Variants in TDRD9 observed in about 807,000 individuals in gnomAD.
TDRD9 encodes the protein tudor domain containing 9.
Under a neutral mutation model 172.6 loss-of-function variants are expected in TDRD9, and 124 were observed. The observed-to-expected ratio is 0.72, with a 90% CI of 0.62 to 0.83. The LOEUF is 0.83. Among genes scored for constraint, TDRD9 ranks in the 40% least tolerant of loss-of-function variants. The pLI is 0.00. For synonymous variants in TDRD9, 619 were observed against 617.1 expected (o/e 1.00, Z -0.05); for missense variants, 1,479 against 1,714.1 (o/e 0.86, Z 2.42).
intron 13 of TDRD9, among the ~76,000 whole-genome samples, chr14:104,001,796 A>T (rs1318438973): frequency 2.6e-5 from 4 of 151,962 alleles, no homozygotes; most frequent in Admixed American, 2.6e-4. Flanking sequence ...TTTAGTAGAG[A>T]TGGGGTTTCA....
intron 8 of TDRD9, among the ~76,000 whole-genome samples, chr14:103,987,123 TACACACACACACACACACACACAC>T (rs143714763): frequency 5.5e-5 from 8 of 145,684 alleles, no homozygotes; most frequent in South Asian, 4.4e-4. Flanking sequence ...AAAAAATATA[TACACACACACACACACACACACAC>T]ACACACACAC....
intron 20 of TDRD9, 38 bp from the exon 21 acceptor site, chr14:104,014,687 T>C: frequency 8.4e-7 from 1 of 1,191,380 alleles, no homozygotes; most frequent in Non-Finnish European, 1.2e-6. Flanking sequence ...ATGACATATG[T>C]ACCTTTGAGA....
intron 7 of TDRD9, among the ~76,000 whole-genome samples, chr14:103,982,830 G>A (rs538347756): frequency 2.0e-4 from 31 of 152,102 alleles, no homozygotes; most frequent in South Asian, 4.1e-4. Flanking sequence ...GAATCCAGGC[G>A]GTAGAGGTTG....
intron 6 of TDRD9, among the ~76,000 whole-genome samples, chr14:103,974,944 A>AT (rs927231048): frequency 1.6e-4 from 25 of 151,910 alleles, no homozygotes; most frequent in African/African-American, 5.1e-4. Flanking sequence ...TAATTAATTT[A>AT]TTTTTTTGTA....
chr14:104,000,571 G>A (rs897233333), intron 13 of TDRD9, among the ~76,000 whole-genome samples: 2 of 152,174 alleles, frequency 1.3e-5, no homozygotes, highest in Non-Finnish European at 1.5e-5. Context: ...GATCATTTGA[G>A]GTCAGGAGTT....
chr14:103,992,309 TA>T (rs1468700926), intron 9 of TDRD9, among the ~76,000 whole-genome samples: 1 of 152,184 alleles, frequency 6.6e-6, no homozygotes, highest in Admixed American at 6.5e-5. Context: ...GTTCTTAAAA[TA>T]ATGGAGAATG....
chr14:104,031,501 C>T (rs1164531613), intron 29 of TDRD9, among the ~76,000 whole-genome samples: 3 of 135,880 alleles, frequency 2.2e-5, no homozygotes, highest in Non-Finnish European at 3.1e-5. Flanking sequence ...TTAAACCCTC[C>T]TGACGTGTGC....
At chr14:103,928,922 AGG>A in intron 1 of TDRD9, 198 bp downstream of exon 1, 1 of 111,266 alleles carries the variant, frequency 9.0e-6, no homozygotes. Context: ...GCTGAGCTAG[AGG>A]TTTTTTTTTT....
At chr14:103,982,983 T>C (rs185476140) in intron 7 of TDRD9, among the ~76,000 whole-genome samples, 15 of 151,626 alleles carry the variant, frequency 9.9e-5, no homozygotes, top group Non-Finnish European at 1.8e-4. Context: ...TGTAATGAAA[T>C]TGTGAAATGA....
At chr14:103,984,474 G>A (rs2033591713) in intron 7 of TDRD9, among the ~76,000 whole-genome samples, 1 of 152,244 alleles carries the variant, frequency 6.6e-6, no homozygotes, top group Non-Finnish European at 1.5e-5. Context: ...CTCATGCCGT[G>A]TCTTCAGAGG....
At chr14:104,050,522 T>G (rs1947624449) in intron 35 of TDRD9, among the ~76,000 whole-genome samples, 1 of 152,184 alleles carries the variant, frequency 6.6e-6, no homozygotes, top group South Asian at 2.1e-4. Context: ...CAGGGATATC[T>G]CTAGATACAA....
intron 32 of TDRD9, among the ~76,000 whole-genome samples, chr14:104,039,366 G>A (rs2035543897): frequency 6.6e-6 from 1 of 152,174 alleles, no homozygotes; most frequent in Admixed American, 6.5e-5. Flanking sequence ...TTGTAATCTA[G>A]CTGCAGAAGC....
chr14:103,944,772 G>C (rs192356183), intron 1 of TDRD9, among the ~76,000 whole-genome samples: 21 of 152,110 alleles, frequency 1.4e-4, no homozygotes, highest in African/African-American at 5.1e-4. Context: ...TGCCATGTTG[G>C]CCAGCTGGTC....
At chr14:103,987,264 C>G (rs74791876) in intron 8 of TDRD9, among the ~76,000 whole-genome samples, 3,480 of 152,086 alleles carry the variant, frequency 0.023, 79 homozygotes, top group East Asian at 0.071. Flanking sequence ...AGTATGTATC[C>G]TTTTCATGTT....
intron 6 of TDRD9, among the ~76,000 whole-genome samples, chr14:103,971,713 A>C (rs2033041536): frequency 6.6e-6 from 1 of 152,232 alleles, no homozygotes; most frequent in Non-Finnish European, 1.5e-5. Context: ...GCATTCTTTT[A>C]TGAACAGAGT....
At chr14:103,968,217 G>A (rs1357209638) in intron 5 of TDRD9, among the ~76,000 whole-genome samples, 1 of 152,184 alleles carries the variant, frequency 6.6e-6, no homozygotes, top group Admixed American at 6.5e-5. Context: ...TGCCCTACTG[G>A]GGAGCGGTAA....
rs536343348 is a variant in TDRD9 at position 104,035,001 on chromosome 14, A to C, written c.3661A>C (p.Ile1221Leu). The C allele has an allele frequency of 6.8e-5, 105 of 1,551,816 alleles. No individual in the cohort carries two copies. In the African/African-American group the frequency reaches 1.4e-3, roughly 20 times the overall value. Residue 1221 changes from isoleucine (I) to leucine (L), a missense_variant, in exon 32 of 36, where the codon ATC becomes CTC. Ile to Leu is a conservative substitution (Grantham distance 5). Transcript: ENST00000409874. ...LLRETSLMPH[I>L]PGLPALLSML... Reference sequence around the variant, plus strand: ...GAGAGAAACCTCTCTGATGCCTCATATCCCTGGCCTCCCGGCTCTCCTCAG... The same window carrying C: ...GAGAGAAACCTCTCTGATGCCTCATCTCCCTGGCCTCCCGGCTCTCCTCAG...
intron 6 of TDRD9, among the ~76,000 whole-genome samples, chr14:103,975,007 A>G (rs1038196177): frequency 1.3e-5 from 2 of 152,080 alleles, no homozygotes; most frequent in Non-Finnish European, 2.9e-5. Context: ...CCTGGGCTCA[A>G]GTGGTCCTCC....
chr14:103,991,280 G>A, intron 9 of TDRD9, 56 bp downstream of exon 9: 6 of 1,569,510 alleles, frequency 3.8e-6, no homozygotes, highest in Non-Finnish European at 5.3e-6. Flanking sequence ...GAGAGGCTAA[G>A]TTTGTGCCTA....
Sources: gnomAD v4.1 joint callset for allele counts (sites outside exome capture counted in the v4.1 genomes callset) on GRCh38, gnomAD v4.1.1 for gene constraint, MANE v1.5 for transcripts, NCBI Gene and HGNC (gene_info 2026-07-23, HGNC 2026-07-21) for gene names.